CPNE4: variants seen among roughly 807,000 people sequenced by gnomAD.
CPNE4 encodes the protein copine-4.
CPNE4 carries 25 observed loss-of-function variants against 67.9 expected under a neutral mutation model. The ratio of observed to expected loss-of-function variants is 0.37; its 90% CI spans 0.27 to 0.51. The LOEUF is 0.51. Ranked by LOEUF, CPNE4 falls within the 20% of genes least tolerant of loss-of-function variation. CPNE4 has a pLI of 0.93. For synonymous variants in CPNE4, 242 were observed against 244.9 expected (o/e 0.99, Z 0.11); for missense variants, 464 against 690.8 (o/e 0.67, Z 3.68).
chr3:131,779,873 A>G (rs907157586), intron 2 of CPNE4, among the ~76,000 whole-genome samples: 2 of 152,198 alleles, frequency 1.3e-5, no homozygotes, highest in African/African-American at 4.8e-5. Flanking sequence ...CTGTACAACA[A>G]AGAAACTATG....
intron 7 of CPNE4, among the ~76,000 whole-genome samples, chr3:131,613,393 C>T (rs981909495): frequency 1.3e-5 from 2 of 152,064 alleles, no homozygotes; most frequent in Non-Finnish European, 1.5e-5. Flanking sequence ...GACTCAAGAC[C>T]CCAACATCCT....
At chr3:131,565,812 A>G (rs1435742568) in intron 10 of CPNE4, among the ~76,000 whole-genome samples, 5 of 134,446 alleles carry the variant, frequency 3.7e-5, no homozygotes, top group African/African-American at 1.7e-4. Flanking sequence ...TAGTACTAAG[A>G]GTATGTAAAA....
chr3:131,862,905 G>C (rs2086754344), intron 2 of CPNE4, among the ~76,000 whole-genome samples: 1 of 141,972 alleles, frequency 7.0e-6, no homozygotes. Flanking sequence ...TCCCCTTCCT[G>C]TGTCCATGTG....
chr3:131,761,421 C>T (rs1173521155), intron 2 of CPNE4, among the ~76,000 whole-genome samples: 1 of 151,630 alleles, frequency 6.6e-6, no homozygotes, highest in Non-Finnish European at 1.5e-5. Context: ...ACCAAAGTCA[C>T]AAAACACTTG....
chr3:131,960,670 G>C (rs1220035943), intron 1 of CPNE4, among the ~76,000 whole-genome samples: 3 of 152,100 alleles, frequency 2.0e-5, no homozygotes, highest in Non-Finnish European at 4.4e-5. Flanking sequence ...TACTGACTTA[G>C]CTGGTCTGAA....
intron 2 of CPNE4, among the ~76,000 whole-genome samples, chr3:131,815,743 C>T (rs1483129090): frequency 6.6e-6 from 1 of 151,114 alleles, no homozygotes; most frequent in Non-Finnish European, 1.5e-5. Context: ...AGACATGACT[C>T]TCAAGCTTCT....
chr3:131,823,422 C>A (rs1305139726), intron 2 of CPNE4, among the ~76,000 whole-genome samples: 3 of 152,182 alleles, frequency 2.0e-5, no homozygotes, highest in Admixed American at 2.0e-4. Context: ...ACAAGCTTGG[C>A]AATGTCACAG....
chr3:132,022,763 A>G (rs2074024923), intron 1 of CPNE4, among the ~76,000 whole-genome samples: 1 of 152,160 alleles, frequency 6.6e-6, no homozygotes, highest in African/African-American at 2.4e-5. Context: ...AGTGATTTAG[A>G]TGTTTGGTGT....
At chr3:131,828,996 G>T (rs912713789) in intron 2 of CPNE4, among the ~76,000 whole-genome samples, 3 of 152,214 alleles carry the variant, frequency 2.0e-5, no homozygotes, top group Non-Finnish European at 4.4e-5. Context: ...TTGGACTTAA[G>T]GTTCCACATA....
At chr3:131,569,663 C>A (rs76871860) in intron 10 of CPNE4, among the ~76,000 whole-genome samples, 5,653 of 89,810 alleles carry the variant, frequency 0.063, 88 homozygotes, top group Middle Eastern at 0.1. Context: ...CAAAAAAAAA[C>A]AAAAAAAAAA....
At chr3:131,846,755 C>G (rs2086013573) in intron 2 of CPNE4, among the ~76,000 whole-genome samples, 1 of 152,138 alleles carries the variant, frequency 6.6e-6, no homozygotes, top group Admixed American at 6.6e-5. Flanking sequence ...AAGTATTTCC[C>G]TATGTCTTTT....
chr3:131,825,173 A>G (rs1195969340), intron 2 of CPNE4, among the ~76,000 whole-genome samples: 23 of 151,938 alleles, frequency 1.5e-4, no homozygotes, highest in Non-Finnish European at 3.4e-4. Context: ...GAAAATCCTT[A>G]CAGTGAGCCT....
At chr3:131,953,308 TAGGAA>T (rs887846126) in intron 1 of CPNE4, among the ~76,000 whole-genome samples, 1 of 150,838 alleles carries the variant, frequency 6.6e-6, no homozygotes, top group African/African-American at 2.4e-5. Context: ...CCAGTTCTTA[TAGGAA>T]AGGCTTTCAG....
intron 1 of CPNE4, among the ~76,000 whole-genome samples, chr3:131,915,376 C>G (rs556830270): frequency 6.6e-6 from 1 of 152,294 alleles, no homozygotes; most frequent in Non-Finnish European, 1.5e-5. Flanking sequence ...ATTCCCAAGG[C>G]TGCTCAAGTC....
intron 3 of CPNE4, among the ~76,000 whole-genome samples, chr3:131,709,262 T>C (rs2081500646): frequency 6.6e-6 from 1 of 152,016 alleles, no homozygotes; most frequent in African/African-American, 2.4e-5. Flanking sequence ...AATAATGCAA[T>C]GGAGGGACGG....
Position 131,848,909 on chromosome 3 carries a change from G to A in CPNE4, c.180+56355C>T, listed in dbSNP as rs556194104. Among the ~76,000 whole-genome samples the A allele has an allele frequency of 1.5e-4, 17 of 112,870 alleles. No individual in the cohort carries two copies. In the South Asian group the frequency reaches 2.5e-3, roughly 16 times the overall value. 74.0% of individuals were successfully genotyped at this position (112,870 alleles called of 152,430 possible). ...TAGGGAAGGGAGGATTGAAGAAGGC[G>A]TTTTTTTTTCATCACAGCCTCACTG... On this transcript the variant is annotated intron_variant, in intron 2 of 15. Coordinates refer to ENST00000429747, the MANE Select transcript of CPNE4 (RefSeq NM_130808.3).
At chr3:131,584,922 G>A (rs1247627810) in intron 8 of CPNE4, among the ~76,000 whole-genome samples, 1 of 152,180 alleles carries the variant, frequency 6.6e-6, no homozygotes, top group Non-Finnish European at 1.5e-5. Flanking sequence ...AGAAGAATCT[G>A]CTTTTCCTGG....
At chr3:131,969,379 AAAGT>A (rs1478282190) in intron 1 of CPNE4, among the ~76,000 whole-genome samples, 2 of 152,136 alleles carry the variant, frequency 1.3e-5, no homozygotes, top group African/African-American at 2.4e-5. Context: ...ATTAAAAAAA[AAAGT>A]AATGGCAAAA....
chr3:131,882,964 G>T (rs544603356), intron 2 of CPNE4, among the ~76,000 whole-genome samples: 1 of 152,140 alleles, frequency 6.6e-6, no homozygotes, highest in Non-Finnish European at 1.5e-5. Context: ...TGATCCGTCT[G>T]ACTCGGGCTC....
Sources: gnomAD v4.1 joint callset for allele counts (sites outside exome capture counted in the v4.1 genomes callset) on GRCh38, gnomAD v4.1.1 for gene constraint, MANE v1.5 for transcripts, NCBI Gene and HGNC (gene_info 2026-07-23, HGNC 2026-07-21) for gene names.